Variants in CDK8 observed in about 807,000 individuals in gnomAD.
CDK8 encodes the protein cyclin-dependent kinase 8.
CDK8 carries 29 observed loss-of-function variants against 71.5 expected under a neutral mutation model. The ratio of observed to expected loss-of-function variants is 0.41; its 90% CI spans 0.30 to 0.55. The LOEUF (loss-of-function observed/expected upper bound fraction) is 0.55, where lower values mean the gene tolerates loss of function less well. Among genes scored for constraint, CDK8 ranks in the 20% least tolerant of loss-of-function variants. The probability of loss-of-function intolerance (pLI) is 0.37; values close to 1 mark genes in which losing one functional copy is unlikely to be tolerated. For missense variants in CDK8, 288 were observed against 572.6 expected, an observed-to-expected ratio of 0.50 and a Z score of 5.07; for synonymous variants, 161 against 192.1, an observed-to-expected ratio of 0.84 and a Z score of 1.34.
At chr13:26,284,494 T>G (rs1872905456) in intron 1 of CDK8, among the ~76,000 whole-genome samples, 1 of 152,072 alleles carries the variant, frequency 6.6e-6, no homozygotes, top group Admixed American at 6.6e-5. Context: ...TTATTCAAGT[T>G]TACTGTGAGC....
chr13:26,388,557 A>G (rs1875589648), intron 6 of CDK8, among the ~76,000 whole-genome samples: 4 of 152,216 alleles, frequency 2.6e-5, no homozygotes, highest in South Asian at 2.1e-4. Flanking sequence ...CTTATTTCCT[A>G]TTCACTGAAC....
chr13:26,304,274 A>G (rs1873942220), intron 1 of CDK8, among the ~76,000 whole-genome samples: 1 of 151,874 alleles, frequency 6.6e-6, no homozygotes, highest in Non-Finnish European at 1.5e-5. Flanking sequence ...AAAAAAAAAA[A>G]GAAAAAAAAG....
chr13:26,340,451 TATAA>T (rs1873191211), intron 2 of CDK8, among the ~76,000 whole-genome samples: 2 of 152,096 alleles, frequency 1.3e-5, no homozygotes, highest in Admixed American at 1.3e-4. Flanking sequence ...TGGATATTAG[TATAA>T]ATAAATTAAG....
At chr13:26,396,415 G>T in intron 8 of CDK8, 61 bp downstream of exon 8, 1 of 639,452 alleles carries the variant, frequency 1.6e-6, no homozygotes, top group South Asian at 2.8e-5. Context: ...CTCAGTGTAA[G>T]ACTGAATATT....
intron 5 of CDK8, among the ~76,000 whole-genome samples, chr13:26,384,808 A>G (rs1162450409): frequency 6.6e-6 from 1 of 152,218 alleles, no homozygotes; most frequent in Non-Finnish European, 1.5e-5. Context: ...ATACCAGTGA[A>G]CAGGCTTGTT....
At chr13:26,353,317 G>A (rs1873758603) in intron 3 of CDK8, among the ~76,000 whole-genome samples, 1 of 151,334 alleles carries the variant, frequency 6.6e-6, no homozygotes, top group Non-Finnish European at 1.5e-5. Context: ...CTCCCCACTT[G>A]CTTTCTTTAT....
intron 1 of CDK8, among the ~76,000 whole-genome samples, chr13:26,293,306 A>C (rs1267008652): frequency 6.6e-6 from 1 of 152,186 alleles, no homozygotes; most frequent in African/African-American, 2.4e-5. Context: ...TTGACAAATA[A>C]AAATTGTGTA....
Position 26,283,100 on chromosome 13 carries a change from A to G in CDK8, c.128+28331A>G, listed in dbSNP as rs370845317. Among the ~76,000 whole-genome samples, 5 of 152,244 alleles carry G rather than the reference A, an allele frequency of 3.3e-5. No individual in the cohort carries two copies. In the South Asian group the frequency reaches 8.3e-4, roughly 25 times the overall value. ...AAGAAATGGGATAGATGGCAACACA[A>G]TAATAGTGGGGGATTCTAATACTCC... On this transcript the variant is annotated intron_variant, in intron 1 of 12. Transcript: ENST00000381527.
In CDK8 at chr13:26,401,236, A is replaced by C. The variant is rs373251499; in HGVS notation, c.1032-33A>C. On this transcript the variant is annotated intron_variant, in intron 10 of 12. Coordinates refer to ENST00000381527, the MANE Select transcript of CDK8 (RefSeq NM_001260.3). This position sits in a 1 kb window ranked among gnomAD's most constrained non-coding sequence, Gnocchi z 4.5. ...AAGCATTTGGAATATTGATTAGTAT[A>C]CCAGAAATGGTTTTTCTTTTTCTTA... The C allele has an allele frequency of 6.6e-7, 1 of 1,506,122 alleles. No homozygotes were observed. 93.3% of individuals were successfully genotyped at this position (1,506,122 alleles called of 1,614,324 possible). A position where few individuals can be genotyped will look rare whatever the true frequency, so the allele number is the denominator to read the frequency against.
At chr13:26,310,913 GC>G (rs1200671652) in intron 1 of CDK8, among the ~76,000 whole-genome samples, 1 of 152,056 alleles carries the variant, frequency 6.6e-6, no homozygotes, top group Non-Finnish European at 1.5e-5. Flanking sequence ...TCTTTGACAT[GC>G]CCGTAAATCC....
At position 26,254,673 on chromosome 13, in the gene CDK8, G is replaced by T. The variant is rs1483755031; in HGVS notation, c.32G>T (p.Ser11Ile). ...TATGACTTTAAAGTGAAGCTGAGCA[G>T]CGAGCGGGAGCGGGTCGAGGACCTG... Reference protein sequence around the residue: MDYDFKVKLSSERERVEDLFE... With the variant: MDYDFKVKLSIERERVEDLFE... Residue 11 changes from serine (S) to isoleucine (I), a missense_variant, in exon 1 of 13, where the codon AGC becomes ATC. Coordinates refer to ENST00000381527, the MANE Select transcript of CDK8 (RefSeq NM_001260.3). The surrounding 1 kb of genome is among the most constrained non-coding windows in gnomAD (Gnocchi z 6.7). The T allele has an allele frequency of 6.2e-7, 1 of 1,611,970 alleles. No individual in the cohort carries two copies. The highest frequency in any genetic ancestry group is 1.3e-5 in the African/African-American group (1 of 74,882).
intron 3 of CDK8, among the ~76,000 whole-genome samples, chr13:26,350,897 G>A (rs966479758): frequency 1.3e-5 from 2 of 151,882 alleles, no homozygotes; most frequent in Non-Finnish European, 2.9e-5. Context: ...TGGTATTTGA[G>A]GAACTCTAAG....
At chr13:26,324,823 TA>T (rs1178951452) in intron 1 of CDK8, 2 of 877,830 alleles carry the variant, frequency 2.3e-6, no homozygotes, top group Non-Finnish European at 2.7e-6. Context: ...GACTGATTGG[TA>T]AGTAATTTAA....
At chr13:26,360,783 A>G (rs1490188276) in intron 4 of CDK8, among the ~76,000 whole-genome samples, 1 of 152,242 alleles carries the variant, frequency 6.6e-6, no homozygotes, top group East Asian at 1.9e-4. Context: ...GCTTATGCAT[A>G]TCTACAGACA....
At chr13:26,339,865 A>G (rs1043561487) in intron 2 of CDK8, among the ~76,000 whole-genome samples, 4 of 150,508 alleles carry the variant, frequency 2.7e-5, no homozygotes, top group Middle Eastern at 3.4e-3. Flanking sequence ...TCATTTATGA[A>G]TAGGGATACT....
chr13:26,278,607 TTGTC>T (rs1394296809), intron 1 of CDK8, among the ~76,000 whole-genome samples: 4 of 152,318 alleles, frequency 2.6e-5, no homozygotes, highest in African/African-American at 9.6e-5. Context: ...CTTACATTGT[TTGTC>T]TGATTGAATT....
intron 1 of CDK8, among the ~76,000 whole-genome samples, chr13:26,257,924 G>C (rs111945573): frequency 1.0e-5 from 1 of 98,630 alleles, no homozygotes; most frequent in Admixed American, 9.6e-5. Flanking sequence ...GTGTGTGTGA[G>C]AGAGAGAGAG....
At chr13:26,402,129 C>G (rs556420529) in intron 12 of CDK8, among the ~76,000 whole-genome samples, 2 of 152,270 alleles carry the variant, frequency 1.3e-5, no homozygotes, top group African/African-American at 4.8e-5. Flanking sequence ...GGATAATGAT[C>G]AATGTGAAGC....
intron 1 of CDK8, among the ~76,000 whole-genome samples, chr13:26,286,362 A>T (rs1437064242): frequency 1.3e-5 from 2 of 152,204 alleles, no homozygotes. Context: ...AAAGCCAAAT[A>T]CTTACAGCCA....
Sources: allele counts gnomAD v4.1 joint callset (sites outside exome capture counted in the v4.1 genomes callset), GRCh38; gene constraint gnomAD v4.1.1; non-coding constraint Gnocchi (gnomAD v3.1); transcripts MANE v1.5; gene names NCBI Gene and HGNC (gene_info 2026-07-23, HGNC 2026-07-21).